NEDD4L: variants seen among roughly 807,000 people sequenced by gnomAD.
NEDD4L encodes the protein E3 ubiquitin-protein ligase NEDD4-like.
Under a neutral mutation model 148.9 loss-of-function variants are expected in NEDD4L, and 54 were observed. That is an observed-to-expected ratio of 0.36 (90% confidence interval 0.29 to 0.45). The LOEUF (loss-of-function observed/expected upper bound fraction) is 0.45. Ranked by LOEUF, NEDD4L falls within the 20% of genes least tolerant of loss-of-function variation. NEDD4L has a pLI of 1.00. For synonymous variants in NEDD4L, 433 were observed against 440.7 expected, an observed-to-expected ratio of 0.98 and a Z score of 0.22; for missense variants, 856 against 1,233.8, an observed-to-expected ratio of 0.69 and a Z score of 4.59.
intron 1 of NEDD4L, among the ~76,000 whole-genome samples, chr18:58,063,039 CT>C (rs74183235): frequency 0.021 from 1,944 of 90,888 alleles, 5 homozygotes; most frequent in African/African-American, 0.089. Context: ...TTTATTTGTT[CT>C]TTTTTTTTTT....
chr18:58,116,587 A>G (rs1003936091), intron 1 of NEDD4L, among the ~76,000 whole-genome samples: 8 of 152,246 alleles, frequency 5.3e-5, no homozygotes, highest in African/African-American at 1.9e-4. Flanking sequence ...TCTAAGCTCA[A>G]GGGACTCAAG....
intron 19 of NEDD4L, among the ~76,000 whole-genome samples, chr18:58,362,259 C>T (rs1255099705): frequency 6.6e-6 from 1 of 152,198 alleles, no homozygotes; most frequent in East Asian, 1.9e-4. Context: ...ACAGTGATGA[C>T]TGTTTAAGCT....
intron 1 of NEDD4L, chr18:58,047,363 A>T (rs2081633426): frequency 1.0e-6 from 1 of 985,018 alleles, no homozygotes. Context: ...GAGTGCACTT[A>T]GTTATGTCCC....
At chr18:58,311,406 G>A (rs1371561524) in intron 5 of NEDD4L, among the ~76,000 whole-genome samples, 4 of 152,118 alleles carry the variant, frequency 2.6e-5, no homozygotes, top group Admixed American at 1.3e-4. Flanking sequence ...CTGTTACCCC[G>A]GCTGGAGTTT....
chr18:58,270,401 G>A (rs941515733), intron 5 of NEDD4L, among the ~76,000 whole-genome samples: 1 of 152,228 alleles, frequency 6.6e-6, no homozygotes, highest in Non-Finnish European at 1.5e-5. Context: ...ACAGGAGAGT[G>A]CAAACTGTAG....
chr18:58,155,415 T>G (rs1426432676), intron 1 of NEDD4L, among the ~76,000 whole-genome samples: 1 of 152,228 alleles, frequency 6.6e-6, no homozygotes, highest in Admixed American at 6.5e-5. Flanking sequence ...AATTTCTATT[T>G]TGCTTTATAA....
At chr18:58,374,435 C>G (rs112695915) in intron 24 of NEDD4L, among the ~76,000 whole-genome samples, 3 of 152,264 alleles carry the variant, frequency 2.0e-5, no homozygotes, top group African/African-American at 7.2e-5. Flanking sequence ...TAAAAATCTC[C>G]TTTTGTGCCC....
chr18:58,143,546 A>G (rs1253751126), intron 1 of NEDD4L, among the ~76,000 whole-genome samples: 1 of 152,234 alleles, frequency 6.6e-6, no homozygotes, highest in Admixed American at 6.5e-5. Context: ...AGTGCCAGTA[A>G]TGATGCAGTG....
chr18:58,248,786 T>C, intron 3 of NEDD4L, 113 bp from the exon 4 acceptor site: 1 of 624,678 alleles, frequency 1.6e-6, no homozygotes, highest in East Asian at 3.0e-5. Context: ...TAAATGCTTC[T>C]CTTAGCTTTT....
intron 1 of NEDD4L, among the ~76,000 whole-genome samples, chr18:58,098,212 G>A (rs1197133820): frequency 6.6e-6 from 1 of 152,108 alleles, no homozygotes; most frequent in African/African-American, 2.4e-5. Flanking sequence ...GGAGAACTGA[G>A]AGGGGATCCC....
intron 1 of NEDD4L, among the ~76,000 whole-genome samples, chr18:58,070,169 A>G (rs1408037600): frequency 2.0e-5 from 3 of 152,248 alleles, no homozygotes; most frequent in Admixed American, 2.0e-4. Flanking sequence ...GTTGAAAACA[A>G]TCGGTGGTAG....
chr18:58,301,503 A>T (rs1600906081), intron 5 of NEDD4L, among the ~76,000 whole-genome samples: 4 of 152,172 alleles, frequency 2.6e-5, no homozygotes, highest in African/African-American at 7.2e-5. Context: ...TACCTCTCAG[A>T]CATCTGCTGT....
chr18:58,214,592 CATT>C (rs1218210043), intron 2 of NEDD4L, among the ~76,000 whole-genome samples: 1 of 108,518 alleles, frequency 9.2e-6, no homozygotes, highest in Non-Finnish European at 1.8e-5. Flanking sequence ...ATTCCATAAA[CATT>C]AGCTGCTCGG....
chr18:58,384,280 C>T (rs1051676614), intron 25 of NEDD4L, among the ~76,000 whole-genome samples: 7 of 152,202 alleles, frequency 4.6e-5, no homozygotes, highest in Non-Finnish European at 1.0e-4. Context: ...CTCAGAGATC[C>T]TGGCAAGGAG....
intron 5 of NEDD4L, among the ~76,000 whole-genome samples, chr18:58,284,887 G>A (rs1049543939): frequency 2.6e-5 from 4 of 152,150 alleles, no homozygotes; most frequent in African/African-American, 9.7e-5. Flanking sequence ...TGTGTGGTTG[G>A]GACAAGGCAG....
At chr18:58,188,214 C>G (rs550141064) in intron 2 of NEDD4L, among the ~76,000 whole-genome samples, 1 of 152,224 alleles carries the variant, frequency 6.6e-6, no homozygotes, top group Admixed American at 6.5e-5. Context: ...CTCCTTTCAT[C>G]AGACACCTCT....
At chr18:58,242,867 G>C (rs907867172) in intron 2 of NEDD4L, among the ~76,000 whole-genome samples, 1 of 152,140 alleles carries the variant, frequency 6.6e-6, no homozygotes, top group African/African-American at 2.4e-5. Context: ...GTTGGCCTTT[G>C]GTTCTCTCTT....
At chr18:58,057,352 T>C (rs977951656) in intron 1 of NEDD4L, among the ~76,000 whole-genome samples, 1 of 151,986 alleles carries the variant, frequency 6.6e-6, no homozygotes, top group African/African-American at 2.4e-5. Flanking sequence ...ATGACTACAA[T>C]GAACCTTCTA....
chr18:58,067,600 A>G (rs1294765443), intron 1 of NEDD4L, among the ~76,000 whole-genome samples: 1 of 152,232 alleles, frequency 6.6e-6, no homozygotes, highest in Non-Finnish European at 1.5e-5. Context: ...AAAACTGAGA[A>G]ATGGAAGTGT....
Sources: allele counts gnomAD v4.1 joint callset (sites outside exome capture counted in the v4.1 genomes callset), GRCh38; gene constraint gnomAD v4.1.1; transcripts MANE v1.5; gene names NCBI Gene and HGNC (gene_info 2026-07-23, HGNC 2026-07-21).